Variants in PRKCH observed in about 807,000 individuals in gnomAD.
The protein encoded by PRKCH is protein kinase C eta type.
In PRKCH, 28 loss-of-function variants were observed where a neutral mutation model predicts 82.5. The ratio of observed to expected loss-of-function variants is 0.34; its 90% CI spans 0.25 to 0.47. PRKCH has a LOEUF of 0.47. Among genes scored for constraint, PRKCH ranks in the 20% least tolerant of loss-of-function variants. The pLI is 1.00. For synonymous variants in PRKCH, 322 were observed against 327.4 expected (o/e 0.98, Z 0.18); for missense variants, 705 against 881.8 (o/e 0.80, Z 2.54).
chr14:61,444,702 C>T (rs921677746), intron 3 of PRKCH, among the ~76,000 whole-genome samples: 12 of 152,188 alleles, frequency 7.9e-5, no homozygotes, highest in Non-Finnish European at 1.6e-4. Flanking sequence ...CATCCAGTCT[C>T]ATCACCAACT....
chr14:61,367,745 C>T (rs891899918), intron 1 of PRKCH, among the ~76,000 whole-genome samples: 2 of 148,168 alleles, frequency 1.3e-5, no homozygotes, highest in Non-Finnish European at 3.0e-5. Context: ...TAAACAGTCT[C>T]GCTCTTTCAC....
At chr14:61,490,871 T>C (rs920000202) in intron 10 of PRKCH, among the ~76,000 whole-genome samples, 3 of 151,926 alleles carry the variant, frequency 2.0e-5, no homozygotes, top group African/African-American at 7.3e-5. Context: ...TGAGCCAAAA[T>C]TGCACCACTG....
At chr14:61,310,111 G>A (rs991954460) in intron 1 of PRKCH, among the ~76,000 whole-genome samples, 1 of 152,002 alleles carries the variant, frequency 6.6e-6, no homozygotes, top group Non-Finnish European at 1.5e-5. Flanking sequence ...ATTCGGGTGG[G>A]GCACAGAGCC....
At chr14:61,430,074 T>C (rs1342092475) in intron 2 of PRKCH, among the ~76,000 whole-genome samples, 1 of 152,166 alleles carries the variant, frequency 6.6e-6, no homozygotes, top group Non-Finnish European at 1.5e-5. Flanking sequence ...CTTTTCTTAA[T>C]AGGAAAAACA....
intron 1 of PRKCH, among the ~76,000 whole-genome samples, chr14:61,263,558 C>A (rs921529756): frequency 1.3e-5 from 2 of 152,128 alleles, no homozygotes; most frequent in Non-Finnish European, 2.9e-5. Context: ...AATCTCTTAA[C>A]CAATATACTA....
intron 1 of PRKCH, among the ~76,000 whole-genome samples, chr14:61,367,658 A>T (rs986505472): frequency 1.3e-5 from 2 of 150,694 alleles, no homozygotes; most frequent in Non-Finnish European, 2.9e-5. Context: ...CCTGCTTGTG[A>T]CTTTCTTGGT....
Sources: gnomAD v4.1 joint callset for allele counts (sites outside exome capture counted in the v4.1 genomes callset) on GRCh38, gnomAD v4.1.1 for gene constraint, MANE v1.5 for transcripts, NCBI Gene and HGNC (gene_info 2026-07-23, HGNC 2026-07-21) for gene names.